The following RAB3IL1 variants were observed in gnomAD, a reference collection of about 807,000 sequenced individuals.
The protein encoded by RAB3IL1 is RAB3A interacting protein like 1, also known as guanine nucleotide exchange factor for Rab-3A.
Under a neutral mutation model 49.2 loss-of-function variants are expected in RAB3IL1, and 37 were observed. That is an observed-to-expected ratio of 0.75 (90% CI 0.58 to 0.99). The LOEUF is 0.99. Among genes scored for constraint, RAB3IL1 ranks in the 50% least tolerant of loss-of-function variants. The pLI, the probability that RAB3IL1 is intolerant of heterozygous loss-of-function variation, is 0.00. For missense variants in RAB3IL1, 484 were observed against 513.0 expected (o/e 0.94, Z 0.55); for synonymous variants, 193 against 213.9 (o/e 0.90, Z 0.85).
At chr11:61,900,059 C>T (rs1938824101) in intron 8 of RAB3IL1, among the ~76,000 whole-genome samples, 1 of 152,236 alleles carries the variant, frequency 6.6e-6, no homozygotes, top group Non-Finnish European at 1.5e-5. Flanking sequence ...GCACTAATGG[C>T]TCAGAGGTGC....
chr11:61,909,237 G>C (rs1025298169), intron 1 of RAB3IL1, among the ~76,000 whole-genome samples: 22 of 152,162 alleles, frequency 1.4e-4, no homozygotes, highest in Admixed American at 3.9e-4. Flanking sequence ...AGGGAAGTTG[G>C]GGGGAGGGGC....
upstream of RAB3IL1, among the ~76,000 whole-genome samples, chr11:61,917,917 C>A (rs1939780953): frequency 6.6e-6 from 1 of 152,206 alleles, no homozygotes; most frequent in African/African-American, 2.4e-5. Flanking sequence ...GGCCCTCCTT[C>A]CCTAGGCTGT....
chr11:61,937,173 A>C, the RAB3IL1 span, among the ~76,000 whole-genome samples: 1 of 152,216 alleles, frequency 6.6e-6, no homozygotes, highest in Non-Finnish European at 1.5e-5. Context: ...TAAGGCATAA[A>C]AATGTAATTA....
the RAB3IL1 span, among the ~76,000 whole-genome samples, chr11:61,942,229 T>C: frequency 1.3e-5 from 2 of 152,120 alleles, no homozygotes; most frequent in African/African-American, 4.8e-5. Context: ...ACAAACAAGA[T>C]GTGCTTTGTT....
At chr11:61,927,331 C>T in the RAB3IL1 span, among the ~76,000 whole-genome samples, 2 of 152,182 alleles carry the variant, frequency 1.3e-5, no homozygotes, top group Non-Finnish European at 2.9e-5. Context: ...CCAGAGAAAA[C>T]TCTTCTATAC....
chr11:61,924,594 C>G (rs756114582), upstream of RAB3IL1, among the ~76,000 whole-genome samples: 10 of 152,126 alleles, frequency 6.6e-5, no homozygotes, highest in Non-Finnish European at 1.3e-4. Flanking sequence ...GTTCTAGACA[C>G]AAATATATGG....
upstream of RAB3IL1, among the ~76,000 whole-genome samples, chr11:61,924,010 T>C (rs1283492235): frequency 6.6e-6 from 1 of 152,158 alleles, no homozygotes; most frequent in African/African-American, 2.4e-5. Flanking sequence ...GTCACAGCTT[T>C]GCTCAGGCCA....
In RAB3IL1 at chr11:61,904,646, C is replaced by G. The variant is rs769593064; in HGVS notation, c.799G>C (p.Val267Leu). The stretch of plus-strand genomic sequence containing the variant: ...GTGTTGTCCTCCACGGCGGCCCGTA[C>G]CAGCACCGAGAGCTGTGGCAGACCA... ...DFTMQELSVLVRAAVEDNTLT... is the reference protein window; with the variant it reads ...DFTMQELSVLLRAAVEDNTLT... Residue 267 changes from valine (V) to leucine (L), a missense_variant, in exon 7 of 10, where the codon GTA becomes CTA. Coordinates refer to ENST00000394836, the MANE Select transcript of RAB3IL1 (RefSeq NM_013401.4). 1 of 1,610,974 alleles carries G rather than the reference C, an allele frequency of 6.2e-7. No individual in the cohort carries two copies. Among genetic ancestry groups the G allele is most frequent in the South Asian group, 1.1e-5 (1 of 90,408 alleles).
intron 7 of RAB3IL1, 152 bp from the exon 8 acceptor site, chr11:61,902,693 G>C: frequency 1.4e-6 from 1 of 698,128 alleles, no homozygotes; most frequent in South Asian, 1.8e-5. Flanking sequence ...CCCAGAGCCA[G>C]GCAGAGAAGG....
rs763829479 is a variant in RAB3IL1 at position 61,908,268 on chromosome 11, G to T, written c.50C>A (p.Ala17Glu). The T allele has an allele frequency of 1.3e-6, 2 of 1,509,974 alleles. No homozygotes were observed. The highest frequency in any genetic ancestry group is 8.8e-7 in the Non-Finnish European group (1 of 1,130,682). 93.5% of individuals were successfully genotyped at this position (1,509,974 alleles called of 1,614,324 possible). Residue 17 changes from alanine to glutamate, a missense_variant, in exon 2 of 10, where the codon GCA becomes GAA. Coordinates refer to ENST00000394836, the MANE Select transcript of RAB3IL1 (RefSeq NM_013401.4). ...QPDQGLPPPL[A>E]AVPVPWKSTD... ...GCTCTTCCAGGGGACCGGGACAGCT[G>T]CAAGGGGCGGCGGGAGGCCCTGGTC...
the RAB3IL1 span, among the ~76,000 whole-genome samples, chr11:61,942,212 AAAAC>A: frequency 5.3e-5 from 8 of 152,358 alleles, no homozygotes; most frequent in African/African-American, 1.9e-4. Flanking sequence ...ACTCCGTCTC[AAAAC>A]AAACAAACAA....
upstream of RAB3IL1, among the ~76,000 whole-genome samples, chr11:61,924,486 C>T (rs2134378495): frequency 6.6e-6 from 1 of 152,190 alleles, no homozygotes; most frequent in East Asian, 1.9e-4. Flanking sequence ...CCATCTCCTG[C>T]TCTGGGGCCA....
chr11:61,905,138 G>C (rs1939121270), intron 5 of RAB3IL1, among the ~76,000 whole-genome samples: 2 of 152,220 alleles, frequency 1.3e-5, no homozygotes. Context: ...CTGGATTTTA[G>C]AGTGGGGTGC....
chr11:61,905,180 C>A (rs1272300308), intron 5 of RAB3IL1, among the ~76,000 whole-genome samples: 3 of 152,114 alleles, frequency 2.0e-5, no homozygotes, highest in Non-Finnish European at 4.4e-5. Flanking sequence ...TCAGTGCCTC[C>A]TTGAGGAGGA....
intron 8 of RAB3IL1, among the ~76,000 whole-genome samples, chr11:61,901,916 T>C (rs1011203200): frequency 1.3e-5 from 2 of 152,234 alleles, no homozygotes; most frequent in African/African-American, 2.4e-5. Flanking sequence ...AGCTACCAGG[T>C]TGATAGTAAT....
chr11:61,944,628 T>C, the RAB3IL1 span, among the ~76,000 whole-genome samples: 4 of 152,196 alleles, frequency 2.6e-5, no homozygotes, highest in Non-Finnish European at 4.4e-5. Flanking sequence ...CTAAAAATTA[T>C]TCACTTTTCT....
Position 61,898,388 on chromosome 11 carries a change from C to G in RAB3IL1, c.1067-28G>C. ...GCAGGCAGAGAGAGGGTGAACAGGT[C>G]GGGGACAGCTCAGGGTCACCTCGGG... is the stretch of plus-strand genomic sequence containing the variant. On this transcript the variant is annotated intron_variant, in intron 9 of 9. Coordinates refer to ENST00000394836, the MANE Select transcript of RAB3IL1 (RefSeq NM_013401.4). This position sits in a 1 kb window ranked among gnomAD's most constrained non-coding sequence, Gnocchi z 5.1. The G allele has an allele frequency of 6.2e-7, 1 of 1,605,154 alleles. No individual in the cohort carries two copies. The highest frequency in any genetic ancestry group is 8.5e-7 in the Non-Finnish European group (1 of 1,173,450).
Position 61,917,566 on chromosome 11 carries a change from C to T in RAB3IL1, c.-199G>A. 9.2e-7 allele frequency: 1 copy of T among 1,089,994 alleles called. No individual in the cohort carries two copies. Among genetic ancestry groups the T allele is most frequent in the Non-Finnish European group, 1.1e-6 (1 of 899,386 alleles). The allele number at this position is 1,089,994 out of a possible 1,614,324, so 67.5% of individuals were successfully genotyped here. On this transcript the variant is annotated 5_prime_UTR_variant, in exon 1 of 10. It adds an upstream start codon to the 5' untranslated region. Transcript: ENST00000394836. ...CCCCGACCCTGCCCTGGGCGGGTCA[C>T]GTGGCGGAGGGGGGAGCGGCCCGAG...
the RAB3IL1 span, among the ~76,000 whole-genome samples, chr11:61,935,226 C>A: frequency 2.0e-5 from 3 of 152,090 alleles, no homozygotes; most frequent in Admixed American, 2.0e-4. Context: ...TCAAGACCAG[C>A]CTGGCCAAGA....
Sources: gnomAD v4.1 joint callset for allele counts (sites outside exome capture counted in the v4.1 genomes callset) on GRCh38, gnomAD v4.1.1 for gene constraint, Gnocchi (gnomAD v3.1) non-coding constraint, MANE v1.5 for transcripts, NCBI Gene and HGNC (gene_info 2026-07-23, HGNC 2026-07-21) for gene names.